Variants in TMEFF2 observed in about 807,000 individuals in gnomAD.
TMEFF2 encodes tomoregulin-2.
A neutral mutation model predicts 53.8 loss-of-function variants in TMEFF2; 28 were observed. The ratio of observed to expected loss-of-function variants is 0.52; its 90% confidence interval spans 0.39 to 0.71. The LOEUF (loss-of-function observed/expected upper bound fraction) is 0.71. TMEFF2 is among the 30% of genes least tolerant of loss of function. The pLI is 0.00. For missense variants in TMEFF2, 353 were observed against 455.2 expected (o/e 0.78, Z 2.04); for synonymous variants, 162 against 166.3 (o/e 0.97, Z 0.20).
chr2:192,065,157 A>G (rs571375479), intron 4 of TMEFF2, among the ~76,000 whole-genome samples: 3 of 151,860 alleles, frequency 2.0e-5, no homozygotes, highest in African/African-American at 7.2e-5. Context: ...CTTAGATTTG[A>G]TAATAGTTAA....
At chr2:192,190,950 C>T (rs1484494436) in intron 2 of TMEFF2, among the ~76,000 whole-genome samples, 1 of 151,936 alleles carries the variant, frequency 6.6e-6, no homozygotes, top group East Asian at 1.9e-4. Flanking sequence ...TGTTTATGTG[C>T]ATATTTCCTG....
chr2:192,163,043 G>GAGC (rs1452959819), intron 4 of TMEFF2, among the ~76,000 whole-genome samples: 1 of 152,148 alleles, frequency 6.6e-6, no homozygotes, highest in Non-Finnish European at 1.5e-5. Context: ...ATAAGCTAAG[G>GAGC]AGCACCACGG....
At chr2:192,165,737 T>C (rs1420698599) in intron 4 of TMEFF2, among the ~76,000 whole-genome samples, 1 of 124,538 alleles carries the variant, frequency 8.0e-6, no homozygotes, top group African/African-American at 3.6e-5. Flanking sequence ...TAGTCTTGTC[T>C]CCGAGGTAAA....
chr2:192,008,280 C>T (rs1006909500), intron 5 of TMEFF2, among the ~76,000 whole-genome samples: 1 of 152,196 alleles, frequency 6.6e-6, no homozygotes, highest in Non-Finnish European at 1.5e-5. Context: ...GCAAACAAGG[C>T]TCCTTTCGAG....
chr2:192,132,226 C>A (rs1689856643), intron 4 of TMEFF2, among the ~76,000 whole-genome samples: 1 of 152,118 alleles, frequency 6.6e-6, no homozygotes. Flanking sequence ...GTGACTAGCC[C>A]TCCCCCACCT....
intron 5 of TMEFF2, among the ~76,000 whole-genome samples, chr2:192,013,806 A>G (rs13020688): frequency 0.32 from 48,077 of 152,092 alleles, 8,056 homozygotes; most frequent in Non-Finnish European, 0.39. Context: ...ACTTACACAT[A>G]GAAAGTGACC....
At chr2:192,102,444 C>G (rs1324418777) in intron 4 of TMEFF2, among the ~76,000 whole-genome samples, 1 of 152,066 alleles carries the variant, frequency 6.6e-6, no homozygotes, top group Non-Finnish European at 1.5e-5. Flanking sequence ...CCATGCTTCT[C>G]TTTCTCCTCA....
intron 3 of TMEFF2, among the ~76,000 whole-genome samples, chr2:192,182,187 T>C (rs954266079): frequency 8.6e-5 from 13 of 152,008 alleles, no homozygotes; most frequent in African/African-American, 3.1e-4. Flanking sequence ...CTGCCTATTA[T>C]TCCTAGAGCT....
intron 4 of TMEFF2, among the ~76,000 whole-genome samples, chr2:192,142,033 G>GA (rs1215538679): frequency 1.3e-5 from 2 of 151,952 alleles, no homozygotes; most frequent in East Asian, 3.9e-4. Context: ...AGACTTTACA[G>GA]AAAAAATAAG....
chr2:192,051,422 T>C (rs1310568979), intron 5 of TMEFF2, among the ~76,000 whole-genome samples: 1 of 152,170 alleles, frequency 6.6e-6, no homozygotes, highest in East Asian at 1.9e-4. Context: ...ATGTACCATA[T>C]CCAAGTCTGA....
chr2:192,096,639 T>TCC (rs1688911085), intron 4 of TMEFF2, among the ~76,000 whole-genome samples: 1 of 18,184 alleles, frequency 5.5e-5, no homozygotes, highest in African/African-American at 1.0e-4. Flanking sequence ...TTTTCTTTTC[T>TCC]TCTTCCTTCC....
chr2:192,099,803 G>A (rs1688994202), intron 4 of TMEFF2, among the ~76,000 whole-genome samples: 1 of 150,750 alleles, frequency 6.6e-6, no homozygotes, highest in South Asian at 2.1e-4. Flanking sequence ...TTCCATCTTA[G>A]GAGTGATGGC....
chr2:192,182,143 A>G (rs1003034859), intron 3 of TMEFF2, among the ~76,000 whole-genome samples: 2 of 151,908 alleles, frequency 1.3e-5, no homozygotes, highest in African/African-American at 4.8e-5. Flanking sequence ...ATTAAGTTCA[A>G]TGAAATATAA....
chr2:191,972,753 A>T (rs1367393044), intron 7 of TMEFF2, among the ~76,000 whole-genome samples: 1 of 152,200 alleles, frequency 6.6e-6, no homozygotes, highest in Non-Finnish European at 1.5e-5. Flanking sequence ...TGGCTAAAAC[A>T]TCTTGGTAGT....
chr2:192,179,606 A>G (rs183252557), intron 4 of TMEFF2, 62 bp downstream of exon 4: 503 of 1,481,008 alleles, frequency 3.4e-4, no homozygotes, highest in Non-Finnish European at 4.3e-4. Context: ...AACATACATA[A>G]GTAAATATAC....
At chr2:192,188,736 C>T (rs751429937) in intron 2 of TMEFF2, among the ~76,000 whole-genome samples, 7 of 152,152 alleles carry the variant, frequency 4.6e-5, no homozygotes, top group Non-Finnish European at 1.0e-4. Flanking sequence ...TTGATCACTG[C>T]ATGACCAGGG....
chr2:192,122,227 C>T (rs1689573361), intron 4 of TMEFF2, among the ~76,000 whole-genome samples: 1 of 152,008 alleles, frequency 6.6e-6, no homozygotes. Context: ...TCATCCCAAC[C>T]CCTCTATTCA....
At chr2:191,965,003 T>A (rs1692429434) in intron 7 of TMEFF2, among the ~76,000 whole-genome samples, 1 of 152,124 alleles carries the variant, frequency 6.6e-6, no homozygotes, top group Non-Finnish European at 1.5e-5. Flanking sequence ...CCTTAAATGT[T>A]GATACTTCCC....
In TMEFF2 at chr2:192,110,521, T is replaced by C. The variant is rs1330156341; in HGVS notation, c.440-52746A>G. Among the ~76,000 whole-genome samples, 4 of 152,202 alleles carry C rather than the reference T, an allele frequency of 2.6e-5. No individual in the cohort carries two copies. In the East Asian group the frequency reaches 7.7e-4, roughly 29 times the overall value. On this transcript the variant is annotated intron_variant, in intron 4 of 9. Coordinates refer to ENST00000272771, the MANE Select transcript of TMEFF2 (RefSeq NM_016192.4). ...ATTCTTTTCTGTCTAAATATCTCTC[T>C]TCCCTTCCAAGACAATCCTTACCCA...
Sources: gnomAD v4.1 joint callset for allele counts (sites outside exome capture counted in the v4.1 genomes callset) on GRCh38, gnomAD v4.1.1 for gene constraint, MANE v1.5 for transcripts, NCBI Gene and HGNC (gene_info 2026-07-23, HGNC 2026-07-21) for gene names.